ABHD17B: variants seen among roughly 807,000 people sequenced by gnomAD.
ABHD17B encodes alpha/beta hydrolase domain-containing protein 17B.
In ABHD17B, 9 loss-of-function variants were observed where a neutral mutation model predicts 26.2. The observed-to-expected ratio is 0.34, with a 90% confidence interval of 0.21 to 0.60. ABHD17B has a LOEUF of 0.60. ABHD17B is among the 20% of genes least tolerant of loss of function. ABHD17B has a pLI of 0.80. For synonymous variants in ABHD17B, 127 were observed against 122.3 expected (o/e 1.04, Z -0.25); for missense variants, 224 against 352.1 (o/e 0.64, Z 2.91).
At chr9:71,904,627 A>G (rs1409112453) in intron 1 of ABHD17B, among the ~76,000 whole-genome samples, 1 of 152,162 alleles carries the variant, frequency 6.6e-6, no homozygotes, top group East Asian at 1.9e-4. Context: ...AAGAGTGTCT[A>G]CTCACATTTG....
intron 1 of ABHD17B, among the ~76,000 whole-genome samples, chr9:71,900,462 C>T (rs1827098811): frequency 2.0e-5 from 3 of 151,578 alleles, no homozygotes; most frequent in Admixed American, 2.0e-4. Flanking sequence ...CCAGCCTGGC[C>T]AATAGGGTGA....
chr9:71,873,547 G>A (rs753021495), intron 2 of ABHD17B, among the ~76,000 whole-genome samples: 4 of 152,152 alleles, frequency 2.6e-5, no homozygotes, highest in Middle Eastern at 6.8e-3. Flanking sequence ...ACAGGCACCC[G>A]CCACTGTGCC....
chr9:71,903,633 CAATA>C (rs1827205917), intron 1 of ABHD17B, among the ~76,000 whole-genome samples: 1 of 152,128 alleles, frequency 6.6e-6, no homozygotes, highest in Non-Finnish European at 1.5e-5. Flanking sequence ...AACACTTTCT[CAATA>C]AATCTGCATG....
At chr9:71,906,348 A>T (rs1050996136) in intron 1 of ABHD17B, among the ~76,000 whole-genome samples, 57 of 152,330 alleles carry the variant, frequency 3.7e-4, no homozygotes, top group African/African-American at 1.4e-3. Flanking sequence ...TCCACCAATG[A>T]CAGGCCCAGC....
intron 1 of ABHD17B, among the ~76,000 whole-genome samples, chr9:71,901,770 C>T (rs1827149432): frequency 6.6e-6 from 1 of 152,172 alleles, no homozygotes; most frequent in South Asian, 2.1e-4. Context: ...AACCTCTTAG[C>T]CACATTTTTA....
chr9:71,863,216 AAAAC>A (rs772007052), downstream of ABHD17B, among the ~76,000 whole-genome samples: 7 of 152,222 alleles, frequency 4.6e-5, no homozygotes, highest in Non-Finnish European at 7.3e-5. Context: ...GCCAAATATC[AAAAC>A]AAACAAATTG....
Position 71,910,466 on chromosome 9 carries a change from C to T in ABHD17B, c.-4+168G>A, listed in dbSNP as rs543719875. Among the ~76,000 whole-genome samples, 3 of 152,268 alleles carry T rather than the reference C, an allele frequency of 2.0e-5. No individual in the cohort carries two copies. In the South Asian group the frequency reaches 6.2e-4, roughly 32 times the overall value. On this transcript the variant is annotated intron_variant, in intron 1 of 3. Transcript: ENST00000333421. ...CAGACCCGATGAGGAGTGGCTTCCC[C>T]GCCTTTCCCCTGTGCCGAGAAGGGA...
At position 71,865,384 on chromosome 9, in the gene ABHD17B, A is replaced by G. The variant is rs990764395; in HGVS notation, c.*1403T>C. 2 of 983,672 alleles carry G rather than the reference A, an allele frequency of 2.0e-6. No homozygotes were observed. Among genetic ancestry groups the G allele is most frequent in the South Asian group, 4.7e-5 (1 of 21,240 alleles). The allele number at this position is 983,672 out of a possible 1,614,324, so 60.9% of individuals were successfully genotyped here. A position where few individuals can be genotyped will look rare whatever the true frequency, so the allele number is the denominator to read the frequency against. ...ACCATTAATTTTATTTTTATTTTTC[A>G]TTGTTTTATTCAGACAGGGTTCATT... On this transcript the variant is annotated 3_prime_UTR_variant, in exon 4 of 4. Transcript: ENST00000333421.
At chr9:71,909,045 T>A (rs1233594528) in intron 1 of ABHD17B, among the ~76,000 whole-genome samples, 1 of 152,232 alleles carries the variant, frequency 6.6e-6, no homozygotes, top group East Asian at 1.9e-4. Context: ...TGATTTTGTT[T>A]GTCCCAGGAA....
intron 1 of ABHD17B, among the ~76,000 whole-genome samples, chr9:71,904,256 C>T (rs1479457492): frequency 6.6e-6 from 1 of 152,146 alleles, no homozygotes; most frequent in Admixed American, 6.6e-5. Context: ...AGCTAGGGAG[C>T]TTTGCTTGTT....
chr9:71,869,968 G>T, intron 3 of ABHD17B, 115 bp downstream of exon 3: 1 of 956,190 alleles, frequency 1.0e-6, no homozygotes. Flanking sequence ...ATTTCTATGT[G>T]CTAATATATA....
chr9:71,874,556 C>G (rs1226238563), intron 2 of ABHD17B, 58 bp downstream of exon 2: 2 of 1,397,598 alleles, frequency 1.4e-6, no homozygotes, highest in Non-Finnish European at 1.9e-6. Context: ...TATTCTTACA[C>G]AAGATATTTT....
chr9:71,899,071 C>T (rs575647022), intron 1 of ABHD17B, among the ~76,000 whole-genome samples: 1 of 151,798 alleles, frequency 6.6e-6, no homozygotes, highest in Non-Finnish European at 1.5e-5. Flanking sequence ...CTACAGTGAG[C>T]CGAGATTGTG....
chr9:71,869,648 T>C (rs150720885), intron 3 of ABHD17B, among the ~76,000 whole-genome samples: 236 of 152,252 alleles, frequency 1.6e-3, no homozygotes, highest in African/African-American at 5.0e-3. Context: ...TAATCAGATA[T>C]TTACTCATTT....
intron 3 of ABHD17B, among the ~76,000 whole-genome samples, chr9:71,869,212 G>A (rs1826042894): frequency 6.6e-6 from 1 of 152,122 alleles, no homozygotes; most frequent in Non-Finnish European, 1.5e-5. Context: ...CCCACAGCTT[G>A]CCCTTGTGAT....
In ABHD17B at chr9:71,874,658, G is replaced by T. The variant is rs1423423369; in HGVS notation, c.423C>A (p.Asn141Lys). 2.5e-6 allele frequency: 4 copies of T among 1,611,646 alleles called. No individual in the cohort carries two copies. The highest frequency in any genetic ancestry group is 3.4e-6 in the Non-Finnish European group (4 of 1,178,760). The change falls in exon 2 of 4, where the codon AAC (asparagine) becomes AAA (lysine). Residue 141 changes from asparagine to lysine, a missense_variant. Coordinates refer to ENST00000333421, the MANE Select transcript of ABHD17B (RefSeq NM_001025780.3). ...GASSGKPTEK[N>K]LYADIEAAWL... ...AAGCAGCTTCAATGTCTGCATAGAG[G>T]TTCTTCTCTGTGGGTTTCCCGGAAC...
chr9:71,865,523 C>T lies in ABHD17B; in HGVS notation c.*1264G>A, dbSNP rs562741463. The T allele has an allele frequency of 1.9e-4, 183 of 984,852 alleles. No homozygotes were observed. The highest frequency in any genetic ancestry group is 2.5e-4 in the Admixed American group (4 of 16,252). 61.0% of individuals were successfully genotyped at this position (984,852 alleles called of 1,614,324 possible). On this transcript the variant is annotated 3_prime_UTR_variant, in exon 4 of 4. Transcript: ENST00000333421. ...TATCTCCTATACCCAGGAGTGAATC[C>T]ATGAAATTCTCAGATAGTAATCCAA...
Position 71,875,022 on chromosome 9 carries a change from C to G in ABHD17B, c.59G>C (p.Gly20Ala). The change falls in exon 2 of 4, where the codon GGG becomes GCG. Residue 20 changes from glycine to alanine, a missense_variant. By Grantham distance (60) the Gly-to-Ala change is moderately conservative. Transcript: ENST00000333421. ...AAACGCTAATTTTGAAGCAATCTTC[C>G]CTGGACAAGGTGGACAGCAGAAGAG... ...CCLFCCPPCP[G>A]KIASKLAFLP... 6.2e-7 allele frequency: 1 copy of G among 1,613,884 alleles called. No homozygotes were observed. Among genetic ancestry groups the G allele is most frequent in the African/African-American group, 1.3e-5 (1 of 75,000 alleles).
intron 1 of ABHD17B, among the ~76,000 whole-genome samples, chr9:71,878,494 C>T (rs1826345647): frequency 6.6e-6 from 1 of 152,024 alleles, no homozygotes; most frequent in African/African-American, 2.4e-5. Context: ...AAACAACAAA[C>T]TACTTAAAAA....
Sources: gnomAD v4.1 joint callset for allele counts (sites outside exome capture counted in the v4.1 genomes callset) on GRCh38, gnomAD v4.1.1 for gene constraint, MANE v1.5 for transcripts, NCBI Gene and HGNC (gene_info 2026-07-23, HGNC 2026-07-21) for gene names.